Variants in PENK observed in about 807,000 individuals in gnomAD.
PENK encodes proenkephalin-A.
In PENK, 25 loss-of-function variants were observed where a neutral mutation model predicts 24.1. That is an observed-to-expected ratio of 1.04 (90% CI 0.76 to 1.45). The LOEUF (loss-of-function observed/expected upper bound fraction) is 1.45, where lower values mean the gene tolerates loss of function less well. Among genes scored for constraint, PENK ranks in the 40% most tolerant of loss-of-function variants. The pLI is 0.00. For missense variants in PENK, 353 were observed against 337.9 expected (o/e 1.04, Z -0.35); for synonymous variants, 135 against 130.3 (o/e 1.04, Z -0.24).
Position 56,442,278 on chromosome 8 carries a change from C to T in PENK, c.139-341G>A, listed in dbSNP as rs185645633. Among the ~76,000 whole-genome samples the T allele has an allele frequency of 5.9e-5, 9 of 152,196 alleles. No homozygotes were observed. In the East Asian group the frequency reaches 1.7e-3, roughly 29 times the overall value. On this transcript the variant is annotated intron_variant, in intron 3 of 3. Coordinates refer to ENST00000451791, the MANE Select transcript of PENK (RefSeq NM_001135690.3). The stretch of plus-strand genomic sequence containing the variant: ...AATCTAATTTCACTGGATAATTTTC[C>T]ACTTCTGATATAATTTTGTTTGAGA...
At chr8:56,445,097 A>G (rs1804629744) in intron 3 of PENK, 1 of 152,726 alleles carries the variant, frequency 6.5e-6, no homozygotes, top group Non-Finnish European at 1.5e-5. Flanking sequence ...GACACTGGCC[A>G]CTTCTCTTGT....
At chr8:56,445,693 G>T in intron 3 of PENK, 123 bp downstream of exon 3, 1 of 1,302,148 alleles carries the variant, frequency 7.7e-7, no homozygotes, top group Non-Finnish European at 1.1e-6. Flanking sequence ...GGCTCGCGCC[G>T]CTGCGGCTCC....
Position 56,445,708 on chromosome 8 carries a change from C to G in PENK, c.138+108G>C, listed in dbSNP as rs772065558. The G allele has an allele frequency of 4.9e-6, 7 of 1,442,918 alleles. No individual in the cohort carries two copies. The African/African-American group carries it at 8.4e-5, about 17-fold the overall frequency. The allele number at this position is 1,442,918 out of a possible 1,614,324, so 89.4% of individuals were successfully genotyped here. A position where few individuals can be genotyped will look rare whatever the true frequency, so the allele number is the denominator to read the frequency against. Reference sequence around the variant, plus strand: ...GGCTCGCGCCGCTGCGGCTCCGACCCGGTGCGAACCGCCATACGCGCCGCG... The same window carrying G: ...GGCTCGCGCCGCTGCGGCTCCGACCGGGTGCGAACCGCCATACGCGCCGCG... On this transcript the variant is annotated intron_variant, in intron 3 of 3. Coordinates refer to ENST00000451791, the MANE Select transcript of PENK (RefSeq NM_001135690.3).
intron 3 of PENK, chr8:56,445,244 C>T (rs955122607): frequency 5.7e-6 from 1 of 174,234 alleles, no homozygotes; most frequent in African/African-American, 2.4e-5. Flanking sequence ...TCGCCTTCCT[C>T]TCCCCGTACC....
At chr8:56,445,989 T>C (rs1354042996) in intron 2 of PENK, 33 bp from the exon 3 acceptor site, 4 of 1,499,028 alleles carry the variant, frequency 2.7e-6, no homozygotes, top group South Asian at 2.5e-5. Context: ...GCTTCGAGCC[T>C]GCCTGGGCGC....
chr8:56,445,902 G>C lies in PENK; in HGVS notation c.52C>G (p.Leu18Val). 6.2e-7 allele frequency: 1 copy of C among 1,612,608 alleles called. No individual in the cohort carries two copies. ...CTWLLLLGPG[L>V]LATVRAECSQ... ...CATTCGGCCCGCACGGTCGCCAGGA[G>C]CCCGGGGCCGAGCAACAGCAGCCAA... The change falls in exon 3 of 4, where the codon CTC becomes GTC. Residue 18 changes from leucine (L) to valine (V), a missense_variant. Leu to Val is a conservative substitution (Grantham distance 32, BLOSUM62 1). Transcript: ENST00000451791.
chr8:56,441,425 T>A lies in PENK; in HGVS notation c.651A>T (p.Val217=). The A allele has an allele frequency of 1.9e-6, 3 of 1,614,036 alleles. No individual in the cohort carries two copies. Among genetic ancestry groups the A allele is most frequent in the Non-Finnish European group, 2.5e-6 (3 of 1,180,016 alleles). ...QKRYGGFMRR[V]GRPEWWMDYQ... is the part of the protein sequence containing the mutation. ...AGTCCATCCACCACTCTGGGCGACC[T>A]ACTCTTCTCATGAAGCCCCCATATC... Residue 217 remains valine (V), a synonymous_variant, in exon 4 of 4, where the codon GTA becomes GTT. Transcript: ENST00000451791.
intron 3 of PENK, 44 bp downstream of exon 3, chr8:56,445,772 T>G (rs1804646841): frequency 6.2e-7 from 1 of 1,612,260 alleles, no homozygotes; most frequent in Non-Finnish European, 8.5e-7. Context: ...TTGCGGAAAC[T>G]CTGTCTCACA....
At chr8:56,444,042 T>A (rs369924513) in intron 3 of PENK, 2 of 698,322 alleles carry the variant, frequency 2.9e-6, no homozygotes, top group Non-Finnish European at 5.2e-6. Context: ...GAGAAGAGGG[T>A]GAGAGAGGGA....
rs1804549411 is a variant in PENK, at chr8:56,441,407, C to A, written c.669G>T (p.Trp223Cys). The change falls in exon 4 of 4, where the codon TGG becomes TGT. Residue 223 changes from tryptophan to cysteine, a missense_variant. Coordinates refer to ENST00000451791, the MANE Select transcript of PENK (RefSeq NM_001135690.3). ...FMRRVGRPEW[W>C]MDYQKRYGGF... ...CTCCATACCGTTTCTGGTAGTCCAT[C>A]CACCACTCTGGGCGACCTACTCTTC... The A allele has an allele frequency of 6.2e-7, 1 of 1,614,104 alleles. No individual in the cohort carries two copies. Among genetic ancestry groups the A allele is most frequent in the Non-Finnish European group, 8.5e-7 (1 of 1,180,022 alleles).
In PENK at chr8:56,442,081, T is replaced by C. The variant is rs183953629; in HGVS notation, c.139-144A>G. ...GTCATCTCCAATTTCTTATCACGACTTTTCATAAGGCTGAGCATGCAAATG... is the reference window on the plus strand; with the variant it reads ...GTCATCTCCAATTTCTTATCACGACCTTTCATAAGGCTGAGCATGCAAATG... On this transcript the variant is annotated intron_variant, in intron 3 of 3. Transcript: ENST00000451791. 19 of 631,770 alleles carry C rather than the reference T, an allele frequency of 3.0e-5. No homozygotes were observed. The East Asian group carries it at 4.1e-4, about 14-fold the overall frequency. 39.1% of individuals were successfully genotyped at this position (631,770 alleles called of 1,614,324 possible).
At chr8:56,444,907 A>T (rs964199291) in intron 3 of PENK, among the ~76,000 whole-genome samples, 6 of 152,218 alleles carry the variant, frequency 3.9e-5, no homozygotes, top group Non-Finnish European at 7.3e-5. Context: ...TTGTCAGGGG[A>T]GCTGGTAAAA....
At chr8:56,442,830 T>A in intron 3 of PENK, among the ~76,000 whole-genome samples, 1 of 152,006 alleles carries the variant, frequency 6.6e-6, no homozygotes, top group South Asian at 2.1e-4. Context: ...TTTTCTTATA[T>A]AAATATTAAA....
chr8:56,441,322 TGGAGTAACTTTCGCCTTCTTCGTCGGAG>T lies in PENK; in HGVS notation c.726_753del (p.Ser243LysfsTer14), dbSNP rs1341842930. On this transcript the variant is annotated frameshift_variant, in exon 4 of 4. Transcript: ENST00000451791. LOFTEE classifies it high-confidence loss of function. ...CTTTTTTCCATTTCAGGAACTTCTT[TGGAGTAACTTTCGCCTTCTTCGTCGGAG>T]GGCAGAGCCTCGGCAAAGCGCTTCA... is the stretch of plus-strand genomic sequence containing the variant. 6.2e-7 allele frequency: 1 copy of T among 1,612,030 alleles called. No homozygotes were observed. The highest frequency in any genetic ancestry group is 8.5e-7 in the Non-Finnish European group (1 of 1,179,400).
rs149733534 is a variant in PENK, at chr8:56,441,882, C to T, written c.194G>A (p.Cys65Tyr). The T allele has an allele frequency of 1.2e-6, 2 of 1,613,920 alleles. No homozygotes were observed. Among genetic ancestry groups the T allele is most frequent in the East Asian group, 2.2e-5 (1 of 44,880 alleles). ...TTTGGACAGCTGCAGGAGCTCCTTG[C>T]AGGTTTCCCAAATTTTCAGAGAAGG... ...KLPSLKIWET[C>Y]KELLQLSKPE... The change falls in exon 4 of 4, where the codon TGC becomes TAC. Residue 65 changes from cysteine to tyrosine, a missense_variant. By Grantham distance (194) the Cys-to-Tyr change is radical. Coordinates refer to ENST00000451791, the MANE Select transcript of PENK (RefSeq NM_001135690.3).
intron 3 of PENK, 124 bp downstream of exon 3, chr8:56,445,692 C>A: frequency 7.9e-7 from 1 of 1,269,960 alleles, no homozygotes; most frequent in Non-Finnish European, 1.1e-6. Flanking sequence ...GGGCTCGCGC[C>A]GCTGCGGCTC....
intron 3 of PENK, 129 bp from the exon 4 acceptor site, chr8:56,442,066 ATTTC>A: frequency 3.1e-6 from 2 of 654,176 alleles, no homozygotes; most frequent in Admixed American, 5.9e-5. Flanking sequence ...GTCATCTCCA[ATTTC>A]TTATCACGAC....
Position 56,441,932 on chromosome 8 carries a change from G to T in PENK, c.144C>A (p.Cys48Ter). 1 of 1,603,712 alleles carries T rather than the reference G, an allele frequency of 6.2e-7. No homozygotes were observed. The highest frequency in any genetic ancestry group is 8.5e-7 in the Non-Finnish European group (1 of 1,174,582). ...VRPADINFLA[C>*]VMECEGKLPS... is the part of the protein sequence containing the mutation. The stretch of plus-strand genomic sequence containing the variant: ...GCAGTTTACCTTCACATTCCATTAC[G>T]CAAGCCTGGGAAAACAATTTGATGT... Residue 48 changes from cysteine to a stop codon, truncating the protein, a stop_gained, in exon 4 of 4, where the codon TGC becomes TGA. Coordinates refer to ENST00000451791, the MANE Select transcript of PENK (RefSeq NM_001135690.3). LOFTEE classifies it high-confidence loss of function.
Position 56,440,988 on chromosome 8 carries a change from T to C in PENK, c.*284A>G, listed in dbSNP as rs1255895134. The C allele has an allele frequency of 3.1e-6, 1 of 320,128 alleles. No individual in the cohort carries two copies. The highest frequency in any genetic ancestry group is 5.7e-6 in the Non-Finnish European group (1 of 175,250). The allele number at this position is 320,128 out of a possible 1,614,324, so 19.8% of individuals were successfully genotyped here. A position where few individuals can be genotyped will look rare whatever the true frequency, so the allele number is the denominator to read the frequency against. ...TGGGGTAATAGGTTTATTATCTCTATATACAAGTAAGCATTTATTGATGTT... is the reference window on the plus strand; with the variant it reads ...TGGGGTAATAGGTTTATTATCTCTACATACAAGTAAGCATTTATTGATGTT... On this transcript the variant is annotated 3_prime_UTR_variant, in exon 4 of 4. Transcript: ENST00000451791.
Sources: allele counts gnomAD v4.1 joint callset (sites outside exome capture counted in the v4.1 genomes callset), GRCh38; gene constraint gnomAD v4.1.1; transcripts MANE v1.5; gene names NCBI Gene and HGNC (gene_info 2026-07-23, HGNC 2026-07-21).